Variants in GALNT2 observed in about 807,000 individuals in gnomAD.
GALNT2 encodes polypeptide N-acetylgalactosaminyltransferase 2.
Under a neutral mutation model 81.4 loss-of-function variants are expected in GALNT2, and 31 were observed. That is an observed-to-expected ratio of 0.38 (90% confidence interval 0.29 to 0.51). GALNT2 has a LOEUF of 0.51. GALNT2 is among the 20% of genes least tolerant of loss of function. The pLI is 0.87. For missense variants in GALNT2, 629 were observed against 765.7 expected, an observed-to-expected ratio of 0.82 and a Z score of 2.11; for synonymous variants, 303 against 287.4, an observed-to-expected ratio of 1.05 and a Z score of -0.55.
At chr1:230,194,690 C>G (rs989772942) in intron 2 of GALNT2, among the ~76,000 whole-genome samples, 1 of 152,216 alleles carries the variant, frequency 6.6e-6, no homozygotes, top group Admixed American at 6.5e-5. Context: ...AGGGGAGGGA[C>G]ACTCTCCCCA....
chr1:230,202,641 T>C (rs757033532), intron 2 of GALNT2, among the ~76,000 whole-genome samples: 1 of 152,270 alleles, frequency 6.6e-6, no homozygotes, highest in Non-Finnish European at 1.5e-5. Context: ...TGACAAGGTC[T>C]CACCAAAGGG....
chr1:230,162,160 A>G (rs1662456045), intron 1 of GALNT2, among the ~76,000 whole-genome samples: 2 of 152,196 alleles, frequency 1.3e-5, no homozygotes, highest in African/African-American at 4.8e-5. Context: ...GACTCAAGTG[A>G]TCTTTGCAGA....
intron 1 of GALNT2, among the ~76,000 whole-genome samples, chr1:230,088,728 G>A (rs753566400): frequency 2.0e-5 from 3 of 151,878 alleles, no homozygotes; most frequent in Admixed American, 6.6e-5. Context: ...TAGTACAGAC[G>A]GGGTTTCATT....
At chr1:230,113,378 A>G (rs1660757326) in intron 1 of GALNT2, among the ~76,000 whole-genome samples, 1 of 152,044 alleles carries the variant, frequency 6.6e-6, no homozygotes, top group South Asian at 2.1e-4. Flanking sequence ...CAGCACTTAC[A>G]TGGCGGGCAA....
At chr1:230,097,295 G>A (rs1001703194) in intron 1 of GALNT2, among the ~76,000 whole-genome samples, 31 of 152,084 alleles carry the variant, frequency 2.0e-4, no homozygotes, top group Admixed American at 6.5e-5. Context: ...GTACAGGTAA[G>A]TGGTATTAAG....
At chr1:230,143,256 A>G (rs568926769) in intron 1 of GALNT2, among the ~76,000 whole-genome samples, 1 of 152,296 alleles carries the variant, frequency 6.6e-6, no homozygotes, top group East Asian at 1.9e-4. Context: ...TCTGGCTTTC[A>G]GTTTCTGCGT....
At chr1:230,141,972 GT>G (rs1272110255) in intron 1 of GALNT2, among the ~76,000 whole-genome samples, 5 of 151,794 alleles carry the variant, frequency 3.3e-5, no homozygotes, top group African/African-American at 1.2e-4. Context: ...TTGTTTTTTT[GT>G]TAGAGACGAG....
chr1:230,105,682 G>A (rs1333279848), intron 1 of GALNT2, among the ~76,000 whole-genome samples: 21 of 152,272 alleles, frequency 1.4e-4, no homozygotes, highest in African/African-American at 2.4e-5. Context: ...GGCGTCTGTC[G>A]GTGCTGTCTC....
intron 14 of GALNT2, among the ~76,000 whole-genome samples, chr1:230,269,195 T>A (rs1486422376): frequency 6.6e-6 from 1 of 150,396 alleles, no homozygotes; most frequent in Non-Finnish European, 1.5e-5. Flanking sequence ...AGGCTTTTTT[T>A]TTTTTTTTGA....
intron 7 of GALNT2, among the ~76,000 whole-genome samples, chr1:230,244,421 T>C (rs1029774847): frequency 1.3e-5 from 2 of 152,058 alleles, no homozygotes; most frequent in African/African-American, 4.8e-5. Context: ...TGAGCCCCTC[T>C]CTTAACACAT....
At chr1:230,206,130 C>T (rs773666530) in intron 3 of GALNT2, among the ~76,000 whole-genome samples, 7 of 152,104 alleles carry the variant, frequency 4.6e-5, no homozygotes, top group African/African-American at 7.2e-5. Context: ...AGTTTTCCCA[C>T]AAGATTTTAT....
chr1:230,154,362 G>A (rs1295628936), intron 1 of GALNT2, among the ~76,000 whole-genome samples: 3 of 152,308 alleles, frequency 2.0e-5, no homozygotes, highest in South Asian at 2.1e-4. Context: ...CAGAGCTGAT[G>A]CCGTTGGTAT....
At chr1:230,081,731 GATA>G (rs1168471069) in intron 1 of GALNT2, among the ~76,000 whole-genome samples, 1 of 152,184 alleles carries the variant, frequency 6.6e-6, no homozygotes, top group African/African-American at 2.4e-5. Context: ...CAGATCAATA[GATA>G]CACTCTGTGA....
chr1:230,209,186 G>A (rs929939003), intron 3 of GALNT2, among the ~76,000 whole-genome samples: 4 of 152,168 alleles, frequency 2.6e-5, no homozygotes, highest in African/African-American at 9.7e-5. Context: ...GGCCCCACAG[G>A]AAGTCTCTGT....
At chr1:230,180,222 T>G (rs1416673982) in intron 2 of GALNT2, among the ~76,000 whole-genome samples, 2 of 151,968 alleles carry the variant, frequency 1.3e-5, no homozygotes, top group East Asian at 1.9e-4. Context: ...CTGGCCTACT[T>G]TGGTGTTTTA....
intron 1 of GALNT2, among the ~76,000 whole-genome samples, chr1:230,164,972 C>T (rs1167553760): frequency 6.6e-6 from 1 of 152,176 alleles, no homozygotes; most frequent in Non-Finnish European, 1.5e-5. Flanking sequence ...CCATAGGTTC[C>T]TGTAGTGGCT....
chr1:230,191,792 C>G (rs534681491), intron 2 of GALNT2, among the ~76,000 whole-genome samples: 1 of 152,236 alleles, frequency 6.6e-6, no homozygotes, highest in South Asian at 2.1e-4. Flanking sequence ...GGATCATAGG[C>G]GTGAGCCACC....
intron 6 of GALNT2, among the ~76,000 whole-genome samples, chr1:230,236,943 C>T (rs1385137536): frequency 6.6e-6 from 1 of 152,172 alleles, no homozygotes; most frequent in Non-Finnish European, 1.5e-5. Context: ...GATCAAATTA[C>T]ATTTTCATTT....
chr1:230,138,536 A>G (rs1053827555), intron 1 of GALNT2, among the ~76,000 whole-genome samples: 1 of 150,854 alleles, frequency 6.6e-6, no homozygotes, highest in African/African-American at 2.5e-5. Context: ...AAAAAAAAAA[A>G]AAAAAAAATG....
Sources: allele counts gnomAD v4.1 joint callset (sites outside exome capture counted in the v4.1 genomes callset), GRCh38; gene constraint gnomAD v4.1.1; transcripts MANE v1.5; gene names NCBI Gene and HGNC (gene_info 2026-07-23, HGNC 2026-07-21).